Variants in KAT7 observed in about 807,000 individuals in gnomAD.
KAT7 encodes histone acetyltransferase KAT7.
In KAT7, 10 loss-of-function variants were observed where a neutral mutation model predicts 82.1. The observed-to-expected ratio is 0.12, with a 90% CI of 0.08 to 0.21. KAT7 has a LOEUF of 0.21. Ranked by LOEUF, KAT7 falls within the 10% of genes least tolerant of loss-of-function variation. KAT7 has a pLI of 1.00. For synonymous variants in KAT7, 250 were observed against 262.5 expected (o/e 0.95, Z 0.46); for missense variants, 378 against 760.9 (o/e 0.50, Z 5.92).
chr17:49,804,142 G>T (rs1293169513), intron 4 of KAT7, among the ~76,000 whole-genome samples: 2 of 152,174 alleles, frequency 1.3e-5, no homozygotes, highest in African/African-American at 2.4e-5. Flanking sequence ...CACTTTGGGA[G>T]GCTGAGGCGG....
At chr17:49,796,243 G>A (rs1338047332) in intron 2 of KAT7, among the ~76,000 whole-genome samples, 2 of 152,160 alleles carry the variant, frequency 1.3e-5, no homozygotes, top group African/African-American at 4.8e-5. Flanking sequence ...AAATCGTTTT[G>A]TTTGTTGTTA....
chr17:49,804,427 T>C (rs548627185), intron 4 of KAT7, among the ~76,000 whole-genome samples: 2 of 152,052 alleles, frequency 1.3e-5, no homozygotes, highest in African/African-American at 2.4e-5. Context: ...CCCATTTAAA[T>C]AAAACAAGCT....
intron 2 of KAT7, chr17:49,795,343 A>T (rs2073942689): frequency 1.1e-5 from 2 of 186,828 alleles, no homozygotes; most frequent in Non-Finnish European, 1.2e-5. Flanking sequence ...CATCACCACG[A>T]TGGTGTTGTT....
chr17:49,792,135 G>GTAGA, intron 2 of KAT7, 102 bp downstream of exon 2: 2 of 1,081,710 alleles, frequency 1.8e-6, no homozygotes, highest in Non-Finnish European at 2.7e-6. Context: ...TTGGCTTGGT[G>GTAGA]TAGATGACAG....
chr17:49,792,241 A>G (rs900829032), intron 2 of KAT7, among the ~76,000 whole-genome samples: 12 of 152,208 alleles, frequency 7.9e-5, no homozygotes, highest in African/African-American at 2.9e-4. Flanking sequence ...TGTAGACCCA[A>G]AGGAACTGCG....
chr17:49,822,814 T>A (rs536008505), intron 11 of KAT7, among the ~76,000 whole-genome samples: 13 of 152,048 alleles, frequency 8.5e-5, no homozygotes, highest in African/African-American at 3.1e-4. Flanking sequence ...ATTTTTTTTT[T>A]AATCCCTTTG....
At chr17:49,803,438 T>C (rs2074050476) in intron 4 of KAT7, among the ~76,000 whole-genome samples, 1 of 151,716 alleles carries the variant, frequency 6.6e-6, no homozygotes, top group South Asian at 2.1e-4. Flanking sequence ...TTATTTTATT[T>C]TTTTGAGATG....
At chr17:49,811,117 T>C (rs568091067) in intron 6 of KAT7, among the ~76,000 whole-genome samples, 1 of 151,898 alleles carries the variant, frequency 6.6e-6, no homozygotes, top group Admixed American at 6.6e-5. Context: ...TCTTTTTTTT[T>C]TTTGTTTTTG....
chr17:49,795,399 G>A (rs1686234488), intron 2 of KAT7: 1 of 244,140 alleles, frequency 4.1e-6, no homozygotes, highest in Non-Finnish European at 8.6e-6. Flanking sequence ...TTTTCCAGAA[G>A]TGCTGGACAT....
rs986937522 is a variant in KAT7, at chr17:49,833,504, G to A, written c.*6002G>A. On this transcript the variant is annotated 3_prime_UTR_variant, in exon 15 of 15. Transcript: ENST00000259021. The stretch of plus-strand genomic sequence containing the variant: ...TTTTTCTACAGTGAGGGCTGAACTT[G>A]TGACTTGTTTTGACTAATAGGATAT... The A allele has an allele frequency of 2.6e-5, 4 of 152,318 alleles. No individual in the cohort carries two copies. Among genetic ancestry groups the A allele is most frequent in the Admixed American group, 2.6e-4 (4 of 15,310 alleles). 9.4% of individuals were successfully genotyped at this position (152,318 alleles called of 1,614,324 possible).
At chr17:49,813,816 G>T (rs1377440551) in intron 7 of KAT7, among the ~76,000 whole-genome samples, 2 of 151,718 alleles carry the variant, frequency 1.3e-5, no homozygotes, top group African/African-American at 4.8e-5. Context: ...CAGGGAGGTT[G>T]TGGGGGCGTT....
In KAT7 at chr17:49,798,166, C is replaced by T. The variant is rs183899341; in HGVS notation, c.341-153C>T. On this transcript the variant is annotated intron_variant, in intron 3 of 14. Transcript: ENST00000259021. ...CAAAATGGATGGTGTAGAAGTGCCT[C>T]TTCATTTTCCATTTAGCCATCTAGC... is the stretch of plus-strand genomic sequence containing the variant. Among the ~76,000 whole-genome samples the T allele has an allele frequency of 6.6e-5, 10 of 152,274 alleles. 1 individual carries two copies. In the East Asian group the frequency reaches 1.2e-3, roughly 18 times the overall value.
At position 49,832,900 on chromosome 17, in the gene KAT7, C is replaced by G. The variant is rs1277274284; in HGVS notation, c.*5398C>G. Reference sequence around the variant, plus strand: ...TTGGGATCATGGAATCGGACCTCAGCTGGTTTTGCCTCAGCACTTTCTTTC... The same window carrying G: ...TTGGGATCATGGAATCGGACCTCAGGTGGTTTTGCCTCAGCACTTTCTTTC... On this transcript the variant is annotated 3_prime_UTR_variant, in exon 15 of 15. Transcript: ENST00000259021. 6.6e-6 allele frequency: 1 copy of G among 152,254 alleles called. No individual in the cohort carries two copies. Among genetic ancestry groups the G allele is most frequent in the African/African-American group, 2.4e-5 (1 of 41,462 alleles). 9.4% of individuals were successfully genotyped at this position (152,254 alleles called of 1,614,324 possible). A position where few individuals can be genotyped will look rare whatever the true frequency, so the allele number is the denominator to read the frequency against.
At chr17:49,799,440 G>A (rs2073995483) in intron 4 of KAT7, among the ~76,000 whole-genome samples, 1 of 152,186 alleles carries the variant, frequency 6.6e-6, no homozygotes, top group Non-Finnish European at 1.5e-5. Flanking sequence ...GAGTGCAGTG[G>A]TGTGATCTCG....
At chr17:49,804,907 A>G (rs2074072822) in intron 4 of KAT7, among the ~76,000 whole-genome samples, 3 of 152,206 alleles carry the variant, frequency 2.0e-5, no homozygotes, top group South Asian at 2.1e-4. Flanking sequence ...CCGCTTCTCC[A>G]TTTTTCATAA....
intron 5 of KAT7, among the ~76,000 whole-genome samples, chr17:49,806,378 A>T (rs919596020): frequency 6.6e-6 from 1 of 152,190 alleles, no homozygotes; most frequent in Admixed American, 6.5e-5. Context: ...CCGTGCTTAT[A>T]TGGATTTTAA....
intron 4 of KAT7, among the ~76,000 whole-genome samples, chr17:49,801,016 A>C (rs1178127357): frequency 6.6e-6 from 1 of 152,138 alleles, no homozygotes; most frequent in Non-Finnish European, 1.5e-5. Context: ...AGTTTGAGGA[A>C]CACTTAGAGG....
At chr17:49,825,597 T>C (rs1308626762) in intron 12 of KAT7, among the ~76,000 whole-genome samples, 1 of 150,744 alleles carries the variant, frequency 6.6e-6, no homozygotes, top group Admixed American at 6.6e-5. Context: ...ACATAACTTT[T>C]ATTACAGTAT....
intron 4 of KAT7, among the ~76,000 whole-genome samples, chr17:49,801,805 C>A (rs201124973): frequency 1.3e-5 from 2 of 151,750 alleles, no homozygotes; most frequent in East Asian, 3.9e-4. Flanking sequence ...ATATTCTTGA[C>A]CCTAGTCTAT....
Sources: gnomAD v4.1 joint callset for allele counts (sites outside exome capture counted in the v4.1 genomes callset) on GRCh38, gnomAD v4.1.1 for gene constraint, MANE v1.5 for transcripts, NCBI Gene and HGNC (gene_info 2026-07-23, HGNC 2026-07-21) for gene names.